FNDC7: variants seen among roughly 807,000 people sequenced by gnomAD.
FNDC7 encodes the protein fibronectin type III domain containing 7, also known as fibronectin type III domain-containing protein 7.
In FNDC7, 66 loss-of-function variants were observed where a neutral mutation model predicts 74.2. The ratio of observed to expected loss-of-function variants is 0.89; its 90% CI spans 0.73 to 1.09. The LOEUF (loss-of-function observed/expected upper bound fraction) is 1.09. Ranked by LOEUF, FNDC7 falls within the 50% of genes least tolerant of loss-of-function variation. The pLI is 0.00. For missense variants in FNDC7, 829 were observed against 893.4 expected (o/e 0.93, Z 0.92); for synonymous variants, 307 against 330.2 (o/e 0.93, Z 0.76).
intron 10 of FNDC7, among the ~76,000 whole-genome samples, chr1:108,736,963 CTTTTTTT>C (rs1173562405): frequency 2.0e-5 from 2 of 99,408 alleles, no homozygotes; most frequent in Non-Finnish European, 3.8e-5. Flanking sequence ...GCTTGGCATT[CTTTTTTT>C]TTTTTTTTTT....
At chr1:108,735,726 G>A (rs1029098042) in intron 10 of FNDC7, among the ~76,000 whole-genome samples, 3 of 152,050 alleles carry the variant, frequency 2.0e-5, no homozygotes, top group African/African-American at 4.8e-5. Context: ...AGTACATTTA[G>A]TTCAAACTAG....
rs769059116 is a variant in FNDC7, at chr1:108,728,933, A to T, written c.1624+47A>T. 75 of 1,595,768 alleles carry T rather than the reference A, an allele frequency of 4.7e-5. 1 individual carries two copies. In the South Asian group the frequency reaches 8.2e-4, roughly 17 times the overall value. On this transcript the variant is annotated intron_variant, in intron 8 of 12. Transcript: ENST00000370017. ...GAATGTTGACTTCAGTGGGGTCCTT[A>T]TGGAGTGTTTCAAGACATGAACTTC... is the stretch of plus-strand genomic sequence containing the variant.
In FNDC7 at chr1:108,733,291, G is replaced by T. The variant is rs764570003; in HGVS notation, c.1899G>T (p.Gly633=). Residue 633 remains glycine (G), a synonymous_variant, in exon 10 of 13, where the codon GGG becomes GGT. Coordinates refer to ENST00000370017, the MANE Select transcript of FNDC7 (RefSeq NM_001144937.3). ...SYFSGACCPL[G]VKLYRLGPNG... ...GCCTAGGTGCCTGCTGCCCTTTGGG[G>T]GTGAAATTATATAGGCTGGGCCCTA... 26 of 1,610,520 alleles carry T rather than the reference G, an allele frequency of 1.6e-5. No individual in the cohort carries two copies. The highest frequency in any genetic ancestry group is 2.1e-5 in the Non-Finnish European group (25 of 1,177,038).
At position 108,713,397 on chromosome 1, in the gene FNDC7, C is replaced by T. The variant is rs1570720987; in HGVS notation, c.64-114C>T. On this transcript the variant is annotated intron_variant, in intron 1 of 12. Transcript: ENST00000370017. Reference sequence around the variant, plus strand: ...TACTTGTATGGATTGAAAGACTGCTCACGTTAGATGTAAAAATGTTGTGAT... The same window carrying T: ...TACTTGTATGGATTGAAAGACTGCTTACGTTAGATGTAAAAATGTTGTGAT... 4 of 852,648 alleles carry T rather than the reference C, an allele frequency of 4.7e-6. No individual in the cohort carries two copies. The East Asian group carries it at 1.1e-4, about 23-fold the overall frequency. The allele number at this position is 852,648 out of a possible 1,614,324, so 52.8% of individuals were successfully genotyped here. A position where few individuals can be genotyped will look rare whatever the true frequency, so the allele number is the denominator to read the frequency against.
Position 108,728,053 on chromosome 1 carries a change from T to C in FNDC7, c.1357T>C (p.Phe453Leu), listed in dbSNP as rs1270214154. 3.7e-6 allele frequency: 6 copies of C among 1,613,742 alleles called. No individual in the cohort carries two copies. The Admixed American group carries it at 8.3e-5, about 22-fold the overall frequency. The part of the protein sequence containing the change: ...RGSNMSCTPQ[F>L]ITTAPCSPEI... ...CAGCAATATGTCATGTACTCCCCAGTTCATAACCACAGGTAAGGCACAGCT... is the reference window on the plus strand; with the variant it reads ...CAGCAATATGTCATGTACTCCCCAGCTCATAACCACAGGTAAGGCACAGCT... The change falls in exon 7 of 13, where the codon TTC becomes CTC. Residue 453 changes from phenylalanine to leucine, a missense_variant. By Grantham distance (22) the Phe-to-Leu change is conservative. Coordinates refer to ENST00000370017, the MANE Select transcript of FNDC7 (RefSeq NM_001144937.3).
intron 4 of FNDC7, among the ~76,000 whole-genome samples, chr1:108,719,803 T>C (rs1436438076): frequency 1.3e-5 from 2 of 151,934 alleles, no homozygotes; most frequent in Non-Finnish European, 2.9e-5. Context: ...TTTTCTTTCC[T>C]TGAGGCAGAG....
In FNDC7 at chr1:108,722,566, C is replaced by T. The variant is rs1188023136; in HGVS notation, c.830C>T (p.Ser277Leu). 1 of 1,613,860 alleles carries T rather than the reference C, an allele frequency of 6.2e-7. No individual in the cohort carries two copies. Among genetic ancestry groups the T allele is most frequent in the Middle Eastern group, 1.7e-4 (1 of 6,036 alleles). ...LASNDAGSSK[S>L]SSAMTLKTVA... ...AGTAATGATGCTGGATCTAGCAAATCATCTTCAGCAATGACCCTGAAAACT... is the reference window on the plus strand; with the variant it reads ...AGTAATGATGCTGGATCTAGCAAATTATCTTCAGCAATGACCCTGAAAACT... The change falls in exon 5 of 13, where the codon TCA becomes TTA. Residue 277 changes from serine (S) to leucine (L), a missense_variant. Transcript: ENST00000370017.
Position 108,716,371 on chromosome 1 carries a change from G to T in FNDC7, c.83-1406G>T, listed in dbSNP as rs1461028529. Reference sequence around the variant, plus strand: ...TGTGTGTGTGTGTGTGTGTGTGTGTGTGTGTTGGAAGAGGGAGCCCCTGCT... The same window carrying T: ...TGTGTGTGTGTGTGTGTGTGTGTGTTTGTGTTGGAAGAGGGAGCCCCTGCT... On this transcript the variant is annotated intron_variant, in intron 2 of 12. Transcript: ENST00000370017. Among the ~76,000 whole-genome samples the T allele has an allele frequency of 3.0e-4, 40 of 135,254 alleles. 2 individuals carry two copies. The highest frequency in any genetic ancestry group is 1.6e-5 in the Non-Finnish European group (1 of 61,302). The allele number at this position is 135,254 out of a possible 152,430, so 88.7% of individuals were successfully genotyped here. A position where few individuals can be genotyped will look rare whatever the true frequency, so the allele number is the denominator to read the frequency against.
At chr1:108,728,559 C>A in intron 7 of FNDC7, 73 bp from the exon 8 acceptor site, 1 of 1,575,520 alleles carries the variant, frequency 6.3e-7, no homozygotes, top group Non-Finnish European at 8.7e-7. Context: ...GGGGCAAAAT[C>A]AGTTTTAGAC....
At chr1:108,723,672 T>C (rs1331170453) in intron 5 of FNDC7, among the ~76,000 whole-genome samples, 1 of 152,116 alleles carries the variant, frequency 6.6e-6, no homozygotes, top group Non-Finnish European at 1.5e-5. Flanking sequence ...AGAGAAAAAA[T>C]ACTTTCAAAA....
intron 1 of FNDC7, 69 bp downstream of exon 1, chr1:108,713,065 C>CTTT: frequency 6.7e-6 from 8 of 1,191,778 alleles, no homozygotes; most frequent in Admixed American, 2.6e-5. Context: ...TTTTTCTCTC[C>CTTT]TTTTTTTTTT....
intron 10 of FNDC7, among the ~76,000 whole-genome samples, 172 bp from the exon 11 acceptor site, chr1:108,737,323 A>G (rs1007510811): frequency 6.6e-6 from 1 of 152,104 alleles, no homozygotes; most frequent in African/African-American, 2.4e-5. Flanking sequence ...GGCACAGTAA[A>G]GTGACTTGCC....
At chr1:108,731,649 T>G (rs1368245270) in intron 9 of FNDC7, among the ~76,000 whole-genome samples, 4 of 152,220 alleles carry the variant, frequency 2.6e-5, no homozygotes, top group African/African-American at 9.6e-5. Flanking sequence ...GAGTCTTAAC[T>G]GGGAGTCAAA....
intron 10 of FNDC7, among the ~76,000 whole-genome samples, chr1:108,735,136 G>C (rs1661478765): frequency 1.3e-5 from 2 of 152,130 alleles, no homozygotes; most frequent in Non-Finnish European, 2.9e-5. Context: ...AAAAACCCTG[G>C]AGTCAGCTTC....
Position 108,728,672 on chromosome 1 carries a change from A to G in FNDC7, c.1410A>G (p.Ala470=). The G allele has an allele frequency of 6.2e-7, 1 of 1,614,260 alleles. No individual in the cohort carries two copies. Among genetic ancestry groups the G allele is most frequent in the Non-Finnish European group, 8.5e-7 (1 of 1,180,044 alleles). The change falls in exon 8 of 13, where the codon GCA becomes GCG. Residue 470 remains alanine, a synonymous_variant. Transcript: ENST00000370017. ...AAATAAAAAATGTTTCAAGGGATGC[A>G]TTCTCCATGATTAATGTGCACTGGC... ...SPEIKNVSRD[A]FSMINVHWRS... is the part of the protein sequence containing the mutation.
At chr1:108,734,973 T>C (rs188356713) in intron 10 of FNDC7, among the ~76,000 whole-genome samples, 1 of 152,282 alleles carries the variant, frequency 6.6e-6, no homozygotes, top group Admixed American at 6.5e-5. Context: ...TCTACAACTC[T>C]TCTCTTCTCC....
intron 2 of FNDC7, among the ~76,000 whole-genome samples, chr1:108,713,901 G>A (rs767000682): frequency 3.3e-5 from 5 of 152,066 alleles, no homozygotes; most frequent in Non-Finnish European, 5.9e-5. Context: ...TTTATCTTCC[G>A]GGGAATTAGA....
chr1:108,740,503 T>C (rs1661619218), intron 11 of FNDC7, among the ~76,000 whole-genome samples: 1 of 152,118 alleles, frequency 6.6e-6, no homozygotes, highest in South Asian at 2.1e-4. Flanking sequence ...AATTTTTGTA[T>C]TTTTAGCAGA....
Position 108,741,971 on chromosome 1 carries a change from ATG to A in FNDC7, c.*86_*87del. On this transcript the variant is annotated 3_prime_UTR_variant, in exon 13 of 13. Transcript: ENST00000370017. ...TTAGAGATGGAAAAGATCTACTAGAATGTAGAATAAAAATGCCTCTAGGATAG... is the reference window on the plus strand; with the variant it reads ...TTAGAGATGGAAAAGATCTACTAGAATAGAATAAAAATGCCTCTAGGATAG... 1 of 706,440 alleles carries A rather than the reference ATG, an allele frequency of 1.4e-6. No homozygotes were observed. The highest frequency in any genetic ancestry group is 2.4e-6 in the Non-Finnish European group (1 of 424,210). The allele number at this position is 706,440 out of a possible 1,614,324, so 43.8% of individuals were successfully genotyped here.
Sources: gnomAD v4.1 joint callset for allele counts (sites outside exome capture counted in the v4.1 genomes callset) on GRCh38, gnomAD v4.1.1 for gene constraint, MANE v1.5 for transcripts, NCBI Gene and HGNC (gene_info 2026-07-23, HGNC 2026-07-21) for gene names.